The following BMPR1A variants were observed in gnomAD, a reference collection of about 807,000 sequenced individuals.
BMPR1A encodes bone morphogenetic protein receptor type-1A.
Under a neutral mutation model 66.0 loss-of-function variants are expected in BMPR1A, and 7 were observed. The ratio of observed to expected loss-of-function variants is 0.11; its 90% CI spans 0.06 to 0.20. The LOEUF (loss-of-function observed/expected upper bound fraction) is 0.20, where lower values mean the gene tolerates loss of function less well. Among genes scored for constraint, BMPR1A ranks in the 10% least tolerant of loss-of-function variants. BMPR1A has a pLI of 1.00. For synonymous variants in BMPR1A, 200 were observed against 229.7 expected (o/e 0.87, Z 1.17); for missense variants, 408 against 669.1 (o/e 0.61, Z 4.31).
intron 1 of BMPR1A, among the ~76,000 whole-genome samples, chr10:86,811,027 G>A (rs986825539): frequency 2.0e-5 from 3 of 152,102 alleles, no homozygotes; most frequent in Non-Finnish European, 2.9e-5. Context: ...CACCCGGCCC[G>A]TTTTTGGTTT....
chr10:86,877,303 G>T (rs1346919700), intron 3 of BMPR1A, among the ~76,000 whole-genome samples: 1 of 151,786 alleles, frequency 6.6e-6, no homozygotes, highest in Middle Eastern at 3.2e-3. Context: ...CGCCTCCCGG[G>T]TTCACGCCAT....
At chr10:86,867,768 T>A (rs192713256) in intron 2 of BMPR1A, among the ~76,000 whole-genome samples, 31 of 152,232 alleles carry the variant, frequency 2.0e-4, no homozygotes, top group African/African-American at 7.5e-4. Flanking sequence ...TGGTGAAGGG[T>A]ATAAAACACA....
intron 2 of BMPR1A, among the ~76,000 whole-genome samples, chr10:86,871,012 C>T (rs531249512): frequency 6.6e-6 from 1 of 152,204 alleles, no homozygotes; most frequent in Admixed American, 6.5e-5. Context: ...TCACCCTCAT[C>T]TCCCACTACA....
At chr10:86,857,767 A>C (rs1842661344) in intron 2 of BMPR1A, among the ~76,000 whole-genome samples, 3 of 151,484 alleles carry the variant, frequency 2.0e-5, no homozygotes, top group Non-Finnish European at 4.4e-5. Context: ...AAAAAAAAAA[A>C]CAAGGAGAAA....
chr10:86,822,626 GTTTTTATTTTTA>G (rs66733391), intron 1 of BMPR1A, among the ~76,000 whole-genome samples: 1 of 44,842 alleles, frequency 2.2e-5, no homozygotes, highest in Non-Finnish European at 3.5e-5. Context: ...TTTTTTTCCC[GTTTTTATTTTTA>G]TTTTTATTTT....
intron 9 of BMPR1A, 36 bp from the exon 10 acceptor site, chr10:86,919,136 A>G (rs1843619828): frequency 1.2e-6 from 2 of 1,612,090 alleles, no homozygotes; most frequent in Non-Finnish European, 1.7e-6. Context: ...CCTATCTCTG[A>G]TGATAACTAA....
chr10:86,900,134 G>A lies in BMPR1A; in HGVS notation c.530+8G>A, dbSNP rs964724409. 6.2e-7 allele frequency: 1 copy of A among 1,612,572 alleles called. No homozygotes were observed. Among genetic ancestry groups the A allele is most frequent in the Non-Finnish European group, 8.5e-7 (1 of 1,179,740 alleles). On this transcript the variant is annotated splice_region_variant and intron_variant, in intron 7 of 12. Transcript: ENST00000372037. ...CAGCTGCTTTTGTTACAAGTAAGAA[G>A]ATATTTATTTTGAAGCAAAATATTT...
In BMPR1A at chr10:86,863,634, T is replaced by G. The variant is rs1055028501; in HGVS notation, c.-152-12233T>G. On this transcript the variant is annotated intron_variant, in intron 2 of 12. Coordinates refer to ENST00000372037, the MANE Select transcript of BMPR1A (RefSeq NM_004329.3). Reference sequence around the variant, plus strand: ...TGGCTCTGCCTTCTGGTTCTCCTTCTGGGCCCAACATAGCTGCCAGCAGTT... The same window carrying G: ...TGGCTCTGCCTTCTGGTTCTCCTTCGGGGCCCAACATAGCTGCCAGCAGTT... Among the ~76,000 whole-genome samples, 5 of 152,202 alleles carry G rather than the reference T, an allele frequency of 3.3e-5. No homozygotes were observed. In the East Asian group the frequency reaches 9.6e-4, roughly 29 times the overall value.
chr10:86,923,733 G>A lies in BMPR1A; in HGVS notation c.*14G>A, dbSNP rs760997608. 5.0e-6 allele frequency: 8 copies of A among 1,612,316 alleles called. No individual in the cohort carries two copies. Among genetic ancestry groups the A allele is most frequent in the South Asian group, 1.1e-5 (1 of 90,976 alleles). On this transcript the variant is annotated 3_prime_UTR_variant, in exon 13 of 13. Transcript: ENST00000372037. ...GTAAAAATCTGATGGTTAAACCATC[G>A]GAGGAGAAACTCTAGACTGCAAGAA...
Position 86,764,053 on chromosome 10 carries a change from A to G in BMPR1A, c.-268+7134A>G, listed in dbSNP as rs113337982. On this transcript the variant is annotated intron_variant, in intron 1 of 12. Coordinates refer to ENST00000372037, the MANE Select transcript of BMPR1A (RefSeq NM_004329.3). ...TGATCCTCCCGCCTCAGCCTCCCAA[A>G]GTGCTGGGATTACAGGCGTGAGCCA... Among the ~76,000 whole-genome samples, 10,203 of 152,144 alleles carry G rather than the reference A, an allele frequency of 0.067. 425 individuals carry two copies. Among genetic ancestry groups the G allele is most frequent in the Non-Finnish European group, 0.076 (5,189 of 67,998 alleles).
intron 1 of BMPR1A, among the ~76,000 whole-genome samples, chr10:86,831,205 C>T (rs1842262873): frequency 6.6e-6 from 1 of 152,240 alleles, no homozygotes. Flanking sequence ...TTCAGCCCTG[C>T]ACCTTCCTTA....
At chr10:86,822,547 C>G (rs1842134334) in intron 1 of BMPR1A, among the ~76,000 whole-genome samples, 1 of 152,106 alleles carries the variant, frequency 6.6e-6, no homozygotes, top group Admixed American at 6.6e-5. Flanking sequence ...GTTTAAATCC[C>G]AAATCTACCA....
At chr10:86,916,583 C>T (rs1843571670) in intron 8 of BMPR1A, among the ~76,000 whole-genome samples, 1 of 152,242 alleles carries the variant, frequency 6.6e-6, no homozygotes, top group Non-Finnish European at 1.5e-5. Context: ...CCAAGACTAC[C>T]CACGACTGTG....
chr10:86,775,109 T>C (rs1841325637), intron 1 of BMPR1A, among the ~76,000 whole-genome samples: 1 of 152,254 alleles, frequency 6.6e-6, no homozygotes, highest in Non-Finnish European at 1.5e-5. Context: ...GAATGTGTAC[T>C]GTTTGTTTAT....
intron 7 of BMPR1A, among the ~76,000 whole-genome samples, chr10:86,902,241 CAT>C (rs1346349244): frequency 1.3e-5 from 2 of 152,106 alleles, no homozygotes; most frequent in Non-Finnish European, 2.9e-5. Context: ...TTATTTAAAT[CAT>C]GTATTCATTT....
At chr10:86,843,608 T>G (rs538317226) in intron 2 of BMPR1A, 1 of 152,290 alleles carries the variant, frequency 6.6e-6, no homozygotes, top group African/African-American at 2.4e-5. Context: ...CAGAGTCCTG[T>G]AACTGAGAAG....
chr10:86,797,231 A>ATTTTTTTTTTTTT (rs1236270338), intron 1 of BMPR1A, among the ~76,000 whole-genome samples: 6 of 83,788 alleles, frequency 7.2e-5, no homozygotes, highest in South Asian at 4.5e-4. Flanking sequence ...AGCCCGGCTA[A>ATTTTTTTTTTTTT]TTTTTTTTTT....
chr10:86,811,008 C>T (rs1038607029), intron 1 of BMPR1A, among the ~76,000 whole-genome samples: 1 of 152,160 alleles, frequency 6.6e-6, no homozygotes, highest in Non-Finnish European at 1.5e-5. Flanking sequence ...TGCCGGTGAA[C>T]CACCACAGCA....
intron 1 of BMPR1A, among the ~76,000 whole-genome samples, chr10:86,779,372 C>T (rs1841401314): frequency 6.6e-6 from 1 of 152,084 alleles, no homozygotes; most frequent in Non-Finnish European, 1.5e-5. Context: ...TAAGTGTTCC[C>T]TTTTCTCCTG....
Sources: allele counts gnomAD v4.1 joint callset (sites outside exome capture counted in the v4.1 genomes callset), GRCh38; gene constraint gnomAD v4.1.1; transcripts MANE v1.5; gene names NCBI Gene and HGNC (gene_info 2026-07-23, HGNC 2026-07-21).